Variants in PCDH19 observed in about 807,000 individuals in gnomAD.
PCDH19 encodes protocadherin 19, also known as protocadherin-19.
Under a neutral mutation model 46.2 loss-of-function variants are expected in PCDH19, and 6 were observed. That is an observed-to-expected ratio of 0.13 (90% confidence interval 0.07 to 0.26). The LOEUF is 0.26. Ranked by LOEUF, PCDH19 falls within the 10% of genes least tolerant of loss-of-function variation. The pLI is 1.00. For missense variants in PCDH19, 740 were observed against 972.3 expected, an observed-to-expected ratio of 0.76 and a Z score of 3.18; for synonymous variants, 481 against 415.7, an observed-to-expected ratio of 1.16 and a Z score of -1.91.
Position 100,322,865 on chromosome X carries a change from A to ATATATATATATATATTTTTTTTTT in PCDH19, c.2848+19037_2848+19038insAAAAAAAAAATATATATATATATA. On this transcript the variant is annotated intron_variant, in intron 5 of 5. Coordinates refer to ENST00000373034, the MANE Select transcript of PCDH19 (RefSeq NM_001184880.2). ...TATATATATATATATATATATATAT[A>ATATATATATATATATTTTTTTTTT]TTTTTGCAGCTATTGTAAAAGGGGT... is the stretch of plus-strand genomic sequence containing the variant. 5.1e-4 allele frequency among the ~76,000 whole-genome samples: 28 copies of ATATATATATATATATTTTTTTTTT among 54,400 alleles called. 1 individual carries two copies. Among genetic ancestry groups the ATATATATATATATATTTTTTTTTT allele is most frequent in the African/African-American group, 1.9e-3 (23 of 11,895 alleles). 47.2% of individuals were successfully genotyped at this position (54,400 alleles called of 115,157 possible).
In PCDH19 at chrX:100,310,099, T is replaced by A. The variant is rs990729055; in HGVS notation, c.2849-13224A>T. On this transcript the variant is annotated intron_variant, in intron 5 of 5. Transcript: ENST00000373034. ...CTTTCAGAATTCAAAGCAATTGAATTATCTTCAATGGAATCTTTAGTGCTG... is the reference window on the plus strand; with the variant it reads ...CTTTCAGAATTCAAAGCAATTGAATAATCTTCAATGGAATCTTTAGTGCTG... Among the ~76,000 whole-genome samples, 5 of 112,223 alleles carry A rather than the reference T, an allele frequency of 4.5e-5. 1 individual carries two copies. The highest frequency in any genetic ancestry group is 9.4e-5 in the Non-Finnish European group (5 of 53,227).
chrX:100,403,415 C>G, intron 2 of PCDH19, 109 bp downstream of exon 2: 1 of 789,567 alleles, frequency 1.3e-6, no homozygotes, highest in Non-Finnish European at 1.9e-6. Context: ...TCCTCCACAC[C>G]CTCCTCCCTG....
At chrX:100,321,712 C>T (rs1365183062) in intron 5 of PCDH19, among the ~76,000 whole-genome samples, 1 of 108,119 alleles carries the variant, frequency 9.2e-6, no homozygotes, top group East Asian at 2.9e-4. Flanking sequence ...CTATGAGTTG[C>T]CTGTCTACTC....
intron 5 of PCDH19, among the ~76,000 whole-genome samples, chrX:100,339,714 A>G (rs914050376): frequency 8.9e-6 from 1 of 111,828 alleles, no homozygotes; most frequent in African/African-American, 3.3e-5. Flanking sequence ...CAAGGGAGAG[A>G]CTGAGGTATA....
intron 3 of PCDH19, among the ~76,000 whole-genome samples, chrX:100,358,136 A>T (rs771210726): frequency 1.8e-5 from 2 of 111,693 alleles, no homozygotes; most frequent in Non-Finnish European, 3.8e-5. Flanking sequence ...TGCCCATCTA[A>T]CTCCATCAGT....
chrX:100,404,858 C>T (rs776875273), intron 1 of PCDH19, among the ~76,000 whole-genome samples: 1 of 111,406 alleles, frequency 9.0e-6, no homozygotes, highest in African/African-American at 3.3e-5. Flanking sequence ...TTTTATTGAC[C>T]CCACATTTTT....
chrX:100,387,713 A>T (rs1365905048), intron 3 of PCDH19, among the ~76,000 whole-genome samples: 3 of 112,188 alleles, frequency 2.7e-5, no homozygotes, highest in East Asian at 5.5e-4. Context: ...ATCTACTTTT[A>T]CAAGAGTATA....
At position 100,406,664 on chromosome X, in the gene PCDH19, T is replaced by C; in HGVS notation, c.1934A>G (p.His645Arg). ...KSSYELIVVA[H>R]DHGKTSLSAS... ...AGAGAGAGATGTCTTGCCGTGGTCGTGAGCCACCACGATAAGCTCATAGGA... is the reference window on the plus strand; with the variant it reads ...AGAGAGAGATGTCTTGCCGTGGTCGCGAGCCACCACGATAAGCTCATAGGA... Residue 645 changes from histidine to arginine, a missense_variant, in exon 1 of 6, where the codon CAC (histidine) becomes CGC (arginine). Transcript: ENST00000373034. 1 of 1,211,577 alleles carries C rather than the reference T, an allele frequency of 8.3e-7. No homozygotes were observed. Among genetic ancestry groups the C allele is most frequent in the South Asian group, 1.8e-5 (1 of 56,955 alleles).
At chrX:100,334,989 A>G (rs895907454) in intron 5 of PCDH19, among the ~76,000 whole-genome samples, 1 of 111,158 alleles carries the variant, frequency 9.0e-6, no homozygotes, top group African/African-American at 3.3e-5. Flanking sequence ...AATGTCCTGC[A>G]TGAAGAAACC....
intron 3 of PCDH19, among the ~76,000 whole-genome samples, chrX:100,393,343 A>G (rs1927915605): frequency 9.0e-6 from 1 of 110,979 alleles, no homozygotes; most frequent in African/African-American, 3.3e-5. Flanking sequence ...AATATCATAG[A>G]CATGTGTACG....
chrX:100,330,209 C>T (rs1340555511), intron 5 of PCDH19, among the ~76,000 whole-genome samples: 1 of 112,294 alleles, frequency 8.9e-6, no homozygotes, highest in East Asian at 2.8e-4. Context: ...TGCCTTGGAA[C>T]AGTTTGACCA....
chrX:100,407,389 G>A lies in PCDH19; in HGVS notation c.1209C>T (p.Ser403=), dbSNP rs372006606. The A allele has an allele frequency of 3.3e-5, 40 of 1,211,054 alleles. No homozygotes were observed. The African/African-American group carries it at 6.1e-4, about 18-fold the overall frequency. The part of the protein sequence containing the change: ...PFRLQEYESF[S]TILVDGRLDR... ...CCAGCCGTCCGTCCACCAGAATAGT[G>A]GAGAAGCTCTCATATTCCTGCAGTC... Residue 403 remains serine (S), a synonymous_variant, in exon 1 of 6, where the codon TCC becomes TCT. Coordinates refer to ENST00000373034, the MANE Select transcript of PCDH19 (RefSeq NM_001184880.2).
chrX:100,333,066 AAG>A (rs1220766368), intron 5 of PCDH19, among the ~76,000 whole-genome samples: 2 of 98,476 alleles, frequency 2.0e-5, no homozygotes, highest in Non-Finnish European at 4.1e-5. Context: ...GGAAGGGGAA[AAG>A]AGAGAGAGAA....
At chrX:100,369,910 T>A (rs1427743142) in intron 3 of PCDH19, among the ~76,000 whole-genome samples, 6 of 111,762 alleles carry the variant, frequency 5.4e-5, no homozygotes, top group Non-Finnish European at 1.1e-4. Flanking sequence ...AGGCCTAAGA[T>A]TACATTTGTT....
At chrX:100,383,235 C>T (rs1927610190) in intron 3 of PCDH19, among the ~76,000 whole-genome samples, 1 of 112,058 alleles carries the variant, frequency 8.9e-6, no homozygotes, top group South Asian at 3.8e-4. Flanking sequence ...GAGGTAGGTC[C>T]CATTACTCTT....
chrX:100,403,006 C>T (rs1163793489), intron 2 of PCDH19, among the ~76,000 whole-genome samples, 155 bp from the exon 3 acceptor site: 1 of 111,588 alleles, frequency 9.0e-6, no homozygotes, highest in Non-Finnish European at 1.9e-5. Flanking sequence ...GTGCTTTTTA[C>T]AAGGGAAAAC....
chrX:100,326,640 T>G (rs1925704614), intron 5 of PCDH19, among the ~76,000 whole-genome samples: 2 of 111,484 alleles, frequency 1.8e-5, no homozygotes, highest in African/African-American at 6.5e-5. Context: ...AGGGCTTCTC[T>G]TACCTCACAG....
In PCDH19 at chrX:100,339,642, C is replaced by T. The variant is rs1223694133; in HGVS notation, c.2848+2261G>A. 2.7e-5 allele frequency among the ~76,000 whole-genome samples: 3 copies of T among 112,028 alleles called. No individual in the cohort carries two copies. The East Asian group carries it at 8.4e-4, about 31-fold the overall frequency. ...ACTGGTGATGGAATCTGTGGCAAGC[C>T]TGAAGTTGCTATGGGACACACAAGT... On this transcript the variant is annotated intron_variant, in intron 5 of 5. Coordinates refer to ENST00000373034, the MANE Select transcript of PCDH19 (RefSeq NM_001184880.2).
rs185495799 is a variant in PCDH19 at position 100,325,399 on chromosome X, C to T, written c.2848+16504G>A. On this transcript the variant is annotated intron_variant, in intron 5 of 5. Transcript: ENST00000373034. ...TTTTTTTTTTTTTTTGAGACGGAGT[C>T]TCACTCTGTTGCCAGGCTGGAGTGC... is the stretch of plus-strand genomic sequence containing the variant. Among the ~76,000 whole-genome samples the T allele has an allele frequency of 4.4e-4, 40 of 91,010 alleles. No individual in the cohort carries two copies. The East Asian group carries it at 0.014, about 32-fold the overall frequency. 79.0% of individuals were successfully genotyped at this position (91,010 alleles called of 115,157 possible).
Sources: allele counts gnomAD v4.1 joint callset (sites outside exome capture counted in the v4.1 genomes callset), GRCh38; gene constraint gnomAD v4.1.1; transcripts MANE v1.5; gene names NCBI Gene and HGNC (gene_info 2026-07-23, HGNC 2026-07-21).